DLEU7: variants seen among roughly 807,000 people sequenced by gnomAD.
DLEU7 encodes the protein deleted in lymphocytic leukemia 7.
A neutral mutation model predicts 16.0 loss-of-function variants in DLEU7; 17 were observed. The ratio of observed to expected loss-of-function variants is 1.06; its 90% CI spans 0.73 to 1.59. The LOEUF (loss-of-function observed/expected upper bound fraction) is 1.59, where lower values mean the gene tolerates loss of function less well. DLEU7 is among the 40% of genes most tolerant of loss of function. The pLI, the probability that DLEU7 is intolerant of heterozygous loss-of-function variation, is 0.00. For missense variants in DLEU7, 308 were observed against 314.9 expected (o/e 0.98, Z 0.17); for synonymous variants, 113 against 139.8 (o/e 0.81, Z 1.35).
intron 1 of DLEU7, among the ~76,000 whole-genome samples, chr13:50,719,348 C>A (rs575670712): frequency 2.1e-4 from 32 of 152,116 alleles, no homozygotes; most frequent in African/African-American, 7.7e-4. Context: ...TTATATGGAA[C>A]AAAAGTCTTA....
rs565589863 is a variant in DLEU7, at chr13:50,743,100, C to T, written c.460-29860G>A. 2.0e-5 allele frequency among the ~76,000 whole-genome samples: 3 copies of T among 151,826 alleles called. No individual in the cohort carries two copies. In the South Asian group the frequency reaches 6.3e-4, roughly 32 times the overall value. ...ATAATTCTTTCTTCCCTTTAAATAG[C>T]CCTGTGGCTGAATCATTAATGGAAT... is the stretch of plus-strand genomic sequence containing the variant. On this transcript the variant is annotated intron_variant, in intron 1 of 1. Transcript: ENST00000400393.
In DLEU7 at chr13:50,832,527, T is replaced by C. The variant is rs182871772; in HGVS notation, c.460-9007A>G. Among the ~76,000 whole-genome samples, 164 of 152,342 alleles carry C rather than the reference T, an allele frequency of 1.1e-3. 1 individual carries two copies. The highest frequency in any genetic ancestry group is 3.7e-3 in the African/African-American group (153 of 41,588). On this transcript the variant is annotated intron_variant, in intron 1 of 1. Coordinates refer to ENST00000504404, the MANE Select transcript of DLEU7 (RefSeq NM_001306135.2). ...TTATTTACTATCTTCTGCTAGCTTT[T>C]GAAGTTGTTTGCTCTTGCTTCTCTA...
exon 2 of DLEU7, chr13:50,711,963 T>G (rs1190734038): frequency 6.6e-6 from 1 of 151,878 alleles, no homozygotes; most frequent in Admixed American, 6.6e-5. Flanking sequence ...TAATCCAAAA[T>G]TAAATTTCAG....
chr13:50,717,143 C>T (rs1430572358), intron 1 of DLEU7, among the ~76,000 whole-genome samples: 1 of 152,158 alleles, frequency 6.6e-6, no homozygotes, highest in African/African-American at 2.4e-5. Context: ...ATGCAACCAG[C>T]ACAGAACTTG....
At chr13:50,722,231 A>T (rs1873640813) in intron 1 of DLEU7, among the ~76,000 whole-genome samples, 1 of 152,176 alleles carries the variant, frequency 6.6e-6, no homozygotes, top group African/African-American at 2.4e-5. Context: ...GGAAGGGATG[A>T]TGTCCTGGTT....
Position 50,732,606 on chromosome 13 carries a change from C to CAAAAAA in DLEU7, c.460-19372_460-19367dup, listed in dbSNP as rs58395582. ...CAGGCAACAGTATGAGACTCCATCTCAAAAAAAAAAAAAAAAAAAAGCTTA... is the reference window on the plus strand; with the variant it reads ...CAGGCAACAGTATGAGACTCCATCTCAAAAAAAAAAAAAAAAAAAAAAAAAAGCTTA... On this transcript the variant is annotated intron_variant, in intron 1 of 1. Transcript: ENST00000400393. Among the ~76,000 whole-genome samples the CAAAAAA allele has an allele frequency of 2.4e-4, 16 of 65,914 alleles. 2 individuals carry two copies. Among genetic ancestry groups the CAAAAAA allele is most frequent in the South Asian group, 1.4e-3 (2 of 1,480 alleles). The allele number at this position is 65,914 out of a possible 152,430, so 43.2% of individuals were successfully genotyped here.
chr13:50,767,455 C>CAAAAAAAAAAAAAAAA (rs35091007), intron 1 of DLEU7, among the ~76,000 whole-genome samples: 1 of 64,508 alleles, frequency 1.6e-5, no homozygotes, highest in African/African-American at 5.9e-5. Context: ...GACTCCGTCT[C>CAAAAAAAAAAAAAAAA]AAAAAAAAAA....
At chr13:50,760,605 C>T (rs979406780) in intron 1 of DLEU7, among the ~76,000 whole-genome samples, 12 of 152,206 alleles carry the variant, frequency 7.9e-5, no homozygotes, top group African/African-American at 2.9e-4. Context: ...TCAAGTGATC[C>T]TTCTGCCGTG....
chr13:50,719,507 G>A (rs970663223), intron 1 of DLEU7: 4 of 152,206 alleles, frequency 2.6e-5, no homozygotes, highest in Non-Finnish European at 4.4e-5. Context: ...TTTAATAGGT[G>A]CCTAAACTAG....
chr13:50,773,290 C>G (rs1177299920), intron 1 of DLEU7, among the ~76,000 whole-genome samples: 1 of 152,222 alleles, frequency 6.6e-6, no homozygotes, highest in African/African-American at 2.4e-5. Flanking sequence ...AAGTCATTCT[C>G]TATCCAGCTT....
At chr13:50,713,464 A>G (rs574450890) in intron 1 of DLEU7, among the ~76,000 whole-genome samples, 1 of 152,306 alleles carries the variant, frequency 6.6e-6, no homozygotes, top group South Asian at 2.1e-4. Context: ...ACCCAGGAAG[A>G]AGACTTCTCT....
chr13:50,734,718 G>A (rs1874016723), intron 1 of DLEU7, among the ~76,000 whole-genome samples: 1 of 152,176 alleles, frequency 6.6e-6, no homozygotes, highest in Non-Finnish European at 1.5e-5. Context: ...CCAGGGACTG[G>A]TGGTTAATAT....
chr13:50,822,816 T>C, downstream of DLEU7: 2 of 986,436 alleles, frequency 2.0e-6, no homozygotes, highest in Non-Finnish European at 2.4e-6. Flanking sequence ...CTGACACATA[T>C]AGTCCTACAA....
At chr13:50,728,840 A>C (rs1320681883) in intron 1 of DLEU7, among the ~76,000 whole-genome samples, 1 of 152,080 alleles carries the variant, frequency 6.6e-6, no homozygotes, top group Admixed American at 6.5e-5. Context: ...TTATGTCATC[A>C]TGTCACCTGT....
intron 1 of DLEU7, among the ~76,000 whole-genome samples, chr13:50,713,917 C>G (rs1020447181): frequency 6.6e-6 from 1 of 152,202 alleles, no homozygotes; most frequent in Non-Finnish European, 1.5e-5. Context: ...AGACTCTGCC[C>G]GCATGTGGCC....
At chr13:50,797,769 T>G (rs565420653) in intron 1 of DLEU7, among the ~76,000 whole-genome samples, 21 of 147,614 alleles carry the variant, frequency 1.4e-4, no homozygotes, top group Non-Finnish European at 2.7e-4. Flanking sequence ...GTCACATATT[T>G]TATCTTGCCT....
Position 50,843,654 on chromosome 13 carries a change from G to T in DLEU7, c.-8C>A, listed in dbSNP as rs868180599. 2 of 1,502,788 alleles carry T rather than the reference G, an allele frequency of 1.3e-6. No homozygotes were observed. The highest frequency in any genetic ancestry group is 2.2e-5 in the Admixed American group (1 of 46,350). 93.1% of individuals were successfully genotyped at this position (1,502,788 alleles called of 1,614,324 possible). On this transcript the variant is annotated 5_prime_UTR_variant, in exon 1 of 2. Coordinates refer to ENST00000504404, the MANE Select transcript of DLEU7 (RefSeq NM_001306135.2). This position sits in a 1 kb window ranked among gnomAD's most constrained non-coding sequence, Gnocchi z 5.7. ...GGGCGCAGGGCTGGCCATCGCCTCC[G>T]CTGGCGGCCCGGCGCGCTCCGCGTG...
Position 50,791,161 on chromosome 13 carries a change from T to G in DLEU7, c.459+52027A>C, listed in dbSNP as rs532646473. On this transcript the variant is annotated intron_variant, in intron 1 of 1. Coordinates refer to the DLEU7 transcript ENST00000400393. ...TAATCACACTCATTAAAGAAACCTA[T>G]GAATACCATCAGGTTCCAGGAGAAA... 3.9e-5 allele frequency among the ~76,000 whole-genome samples: 6 copies of G among 152,276 alleles called. No individual in the cohort carries two copies. The South Asian group carries it at 1.2e-3, about 32-fold the overall frequency.
intron 1 of DLEU7, among the ~76,000 whole-genome samples, chr13:50,774,994 C>T (rs867552715): frequency 6.6e-6 from 1 of 151,896 alleles, no homozygotes; most frequent in Non-Finnish European, 1.5e-5. Context: ...ACCCATTATA[C>T]CCATGCTTTC....
Sources: allele counts gnomAD v4.1 joint callset (sites outside exome capture counted in the v4.1 genomes callset), GRCh38; gene constraint gnomAD v4.1.1; non-coding constraint Gnocchi (gnomAD v3.1); transcripts MANE v1.5; gene names NCBI Gene and HGNC (gene_info 2026-07-23, HGNC 2026-07-21).